The following PDE8A variants were observed in gnomAD, a reference collection of about 807,000 sequenced individuals.
The protein encoded by PDE8A is high affinity cAMP-specific and IBMX-insensitive 3',5'-cyclic phosphodiesterase 8A.
PDE8A carries 59 observed loss-of-function variants against 105.0 expected under a neutral mutation model. The observed-to-expected ratio is 0.56, with a 90% confidence interval of 0.46 to 0.70. The LOEUF is 0.70. Among genes scored for constraint, PDE8A ranks in the 30% least tolerant of loss-of-function variants. The pLI is 0.00. For synonymous variants in PDE8A, 355 were observed against 371.9 expected (o/e 0.95, Z 0.52); for missense variants, 1,014 against 1,045.9 (o/e 0.97, Z 0.42).
intron 1 of PDE8A, among the ~76,000 whole-genome samples, chr15:85,035,862 A>G (rs1359841815): frequency 6.6e-6 from 1 of 152,208 alleles, no homozygotes; most frequent in Non-Finnish European, 1.5e-5. Context: ...CACCCTCAGA[A>G]CCAAAGCTGC....
chr15:85,026,731 A>G (rs2080523748), intron 1 of PDE8A, among the ~76,000 whole-genome samples: 1 of 152,202 alleles, frequency 6.6e-6, no homozygotes, highest in Admixed American at 6.5e-5. Context: ...GTGAACTGTG[A>G]TCATACCACT....
At chr15:85,088,571 A>G (rs976712819) in intron 6 of PDE8A, among the ~76,000 whole-genome samples, 2 of 152,088 alleles carry the variant, frequency 1.3e-5, no homozygotes, top group Admixed American at 1.3e-4. Flanking sequence ...TGCTATGAAC[A>G]TTTGCGTATA....
intron 14 of PDE8A, among the ~76,000 whole-genome samples, chr15:85,114,957 G>C (rs1428382052): frequency 6.6e-6 from 1 of 152,112 alleles, no homozygotes; most frequent in Non-Finnish European, 1.5e-5. Flanking sequence ...GAGGAGCCCA[G>C]GAGAGTCAAC....
At chr15:85,090,668 A>G (rs1426075896) in intron 7 of PDE8A, 5 of 404,020 alleles carry the variant, frequency 1.2e-5, no homozygotes, top group African/African-American at 6.1e-5. Flanking sequence ...TTTGCACTCT[A>G]CCTGGTGCTT....
At chr15:85,026,207 C>T (rs539334745) in intron 1 of PDE8A, among the ~76,000 whole-genome samples, 1 of 152,268 alleles carries the variant, frequency 6.6e-6, no homozygotes, top group South Asian at 2.1e-4. Context: ...TTATTATGCT[C>T]ATGGATTCTG....
chr15:85,124,360 A>G (rs1041800356), intron 19 of PDE8A, among the ~76,000 whole-genome samples: 1 of 152,088 alleles, frequency 6.6e-6, no homozygotes, highest in Admixed American at 6.5e-5. Flanking sequence ...CTTAAAGAAT[A>G]TGTTCTTTCA....
intron 1 of PDE8A, among the ~76,000 whole-genome samples, chr15:85,020,864 C>G (rs756541795): frequency 6.6e-6 from 1 of 152,142 alleles, no homozygotes. Context: ...TAAGGACATT[C>G]TCTATTATCA....
chr15:85,138,021 G>T lies in PDE8A; in HGVS notation c.*118G>T. 1 of 625,226 alleles carries T rather than the reference G, an allele frequency of 1.6e-6. No homozygotes were observed. The highest frequency in any genetic ancestry group is 2.8e-5 in the East Asian group (1 of 36,138). 38.7% of individuals were successfully genotyped at this position (625,226 alleles called of 1,614,324 possible). On this transcript the variant is annotated 3_prime_UTR_variant, in exon 22 of 22. Transcript: ENST00000394553. ...GGCAGAACAGCCCCCGATCTGCATAGCCTGTGAAAGCCCACGGGGACATCA... is the reference window on the plus strand; with the variant it reads ...GGCAGAACAGCCCCCGATCTGCATATCCTGTGAAAGCCCACGGGGACATCA...
intron 1 of PDE8A, among the ~76,000 whole-genome samples, chr15:85,017,411 C>T (rs2080344371): frequency 6.6e-6 from 1 of 152,030 alleles, no homozygotes; most frequent in South Asian, 2.1e-4. Flanking sequence ...TAGAGTTTTA[C>T]CTCTTTTCCA....
intron 4 of PDE8A, 92 bp downstream of exon 4, chr15:85,076,010 A>G: frequency 1.4e-6 from 1 of 705,544 alleles, no homozygotes; most frequent in Non-Finnish European, 2.5e-6. Flanking sequence ...ATGCTGTGTC[A>G]GGCATGCCCC....
chr15:85,041,123 C>G (rs1021002920), intron 1 of PDE8A, among the ~76,000 whole-genome samples: 14 of 152,178 alleles, frequency 9.2e-5, no homozygotes, highest in African/African-American at 3.4e-4. Flanking sequence ...TAGGCCAAAC[C>G]TCAGTAATTG....
chr15:85,067,620 A>G (rs1335973766), intron 3 of PDE8A, among the ~76,000 whole-genome samples: 2 of 152,232 alleles, frequency 1.3e-5, no homozygotes, highest in Non-Finnish European at 2.9e-5. Context: ...AATTCTCTGT[A>G]GTGACCTAAA....
chr15:85,065,483 TAAAA>T (rs573642824), intron 2 of PDE8A, among the ~76,000 whole-genome samples: 1 of 141,972 alleles, frequency 7.0e-6, no homozygotes, highest in African/African-American at 2.6e-5. Flanking sequence ...AAAGTATAAT[TAAAA>T]AAAAAAAAAA....
At position 85,067,211 on chromosome 15, in the gene PDE8A, C is replaced by A. The variant is rs199563375; in HGVS notation, c.434+7C>A. 1 of 1,607,716 alleles carries A rather than the reference C, an allele frequency of 6.2e-7. No individual in the cohort carries two copies. Among genetic ancestry groups the A allele is most frequent in the East Asian group, 2.2e-5 (1 of 44,668 alleles). On this transcript the variant is annotated splice_region_variant and intron_variant, in intron 3 of 21. Transcript: ENST00000394553. ...ATGCAGAGGCACTGTGCAGGTAAGC[C>A]CAAGACTCGGGCCTAAATAGTCCCA...
chr15:85,126,578 G>T (rs1372758907), intron 20 of PDE8A, among the ~76,000 whole-genome samples: 1 of 150,618 alleles, frequency 6.6e-6, no homozygotes, highest in African/African-American at 2.4e-5. Flanking sequence ...GGATATTTTT[G>T]TTAGATATAG....
At chr15:85,060,781 T>A in intron 1 of PDE8A, among the ~76,000 whole-genome samples, 1 of 152,348 alleles carries the variant, frequency 6.6e-6, no homozygotes, top group East Asian at 1.9e-4. Context: ...CACCAAACTG[T>A]ATTCATCTCT....
chr15:85,121,713 A>G (rs549334320), intron 18 of PDE8A, among the ~76,000 whole-genome samples: 1 of 152,234 alleles, frequency 6.6e-6, no homozygotes, highest in African/African-American at 2.4e-5. Flanking sequence ...AACTCATAGT[A>G]TATTCAATTT....
At chr15:85,114,099 G>A in intron 14 of PDE8A, 62 bp downstream of exon 14, 4 of 1,422,648 alleles carry the variant, frequency 2.8e-6, no homozygotes, top group African/African-American at 1.4e-5. Context: ...TTTCTCAGAG[G>A]TTATTCACTT....
chr15:85,012,188 T>C (rs1026984152), intron 1 of PDE8A, among the ~76,000 whole-genome samples: 217 of 152,296 alleles, frequency 1.4e-3, no homozygotes, highest in African/African-American at 5.0e-3. Context: ...CCCAGCCATC[T>C]CATTACTGGG....
Sources: gnomAD v4.1 joint callset for allele counts (sites outside exome capture counted in the v4.1 genomes callset) on GRCh38, gnomAD v4.1.1 for gene constraint, MANE v1.5 for transcripts, NCBI Gene and HGNC (gene_info 2026-07-23, HGNC 2026-07-21) for gene names.